ATP6V0D2: variants seen among roughly 807,000 people sequenced by gnomAD.
ATP6V0D2 encodes the protein V-type proton ATPase subunit d 2.
In ATP6V0D2, 40 loss-of-function variants were observed where a neutral mutation model predicts 40.0. The ratio of observed to expected loss-of-function variants is 1.00; its 90% confidence interval spans 0.78 to 1.30. The LOEUF is 1.30. ATP6V0D2 is among the 50% of genes most tolerant of loss of function. ATP6V0D2 has a pLI of 0.00. For synonymous variants in ATP6V0D2, 179 were observed against 156.3 expected, an observed-to-expected ratio of 1.15 and a Z score of -1.08; for missense variants, 470 against 423.1, an observed-to-expected ratio of 1.11 and a Z score of -0.97.
At chr8:86,130,356 T>C (rs1053336775) in intron 2 of ATP6V0D2, among the ~76,000 whole-genome samples, 1 of 152,206 alleles carries the variant, frequency 6.6e-6, no homozygotes, top group Admixed American at 6.5e-5. Context: ...AAATGTGCCA[T>C]ACTATTTTAA....
chr8:86,098,928 T>A lies in ATP6V0D2; in HGVS notation c.-51T>A. On this transcript the variant is annotated 5_prime_UTR_variant, in exon 1 of 8. Transcript: ENST00000285393. ...GGCTAGTGCAAATCTTCAGGGGCCGTCCAGGACTACAGAGCTGTTTCACCC... is the reference window on the plus strand; with the variant it reads ...GGCTAGTGCAAATCTTCAGGGGCCGACCAGGACTACAGAGCTGTTTCACCC... 1 of 1,590,754 alleles carries A rather than the reference T, an allele frequency of 6.3e-7. No homozygotes were observed. Among genetic ancestry groups the A allele is most frequent in the Non-Finnish European group, 8.6e-7 (1 of 1,169,530 alleles).
At chr8:86,136,060 CT>C (rs766931325) in intron 2 of ATP6V0D2, among the ~76,000 whole-genome samples, 1 of 152,144 alleles carries the variant, frequency 6.6e-6, no homozygotes, top group Non-Finnish European at 1.5e-5. Flanking sequence ...ACCCCTGCCC[CT>C]CATTGTGGGC....
chr8:86,151,422 T>A lies in ATP6V0D2; in HGVS notation c.817-44T>A, dbSNP rs781380661. 6 of 1,291,926 alleles carry A rather than the reference T, an allele frequency of 4.6e-6. No homozygotes were observed. The South Asian group carries it at 8.2e-5, about 18-fold the overall frequency. 80.0% of individuals were successfully genotyped at this position (1,291,926 alleles called of 1,614,324 possible). A position where few individuals can be genotyped will look rare whatever the true frequency, so the allele number is the denominator to read the frequency against. ...GGAAAAATATATTTATATACATTTA[T>A]AAGAAATGAAAATGTCTTTAAAATT... On this transcript the variant is annotated intron_variant, in intron 6 of 7. Coordinates refer to ENST00000285393, the MANE Select transcript of ATP6V0D2 (RefSeq NM_152565.1).
chr8:86,113,923 T>G, intron 2 of ATP6V0D2, 43 bp downstream of exon 2: 2 of 1,546,454 alleles, frequency 1.3e-6, no homozygotes, highest in Non-Finnish European at 1.8e-6. Context: ...AATGTACTCG[T>G]GCGGATGACC....
At chr8:86,115,602 G>A (rs1046852670) in intron 2 of ATP6V0D2, among the ~76,000 whole-genome samples, 5 of 151,444 alleles carry the variant, frequency 3.3e-5, no homozygotes, top group Non-Finnish European at 5.9e-5. Flanking sequence ...GCTTCCAACC[G>A]CAGGTAATCC....
At chr8:86,129,973 T>A (rs1230912262) in intron 2 of ATP6V0D2, among the ~76,000 whole-genome samples, 1 of 128,022 alleles carries the variant, frequency 7.8e-6, no homozygotes, top group Non-Finnish European at 1.6e-5. Flanking sequence ...AGAGACCCTG[T>A]CTCGAAAAGA....
intron 2 of ATP6V0D2, among the ~76,000 whole-genome samples, chr8:86,121,302 G>T (rs1055453820): frequency 1.3e-5 from 2 of 152,220 alleles, no homozygotes; most frequent in Admixed American, 6.5e-5. Flanking sequence ...AGACACAGTG[G>T]CTCATGCCTG....
At chr8:86,118,000 T>C (rs1014503835) in intron 2 of ATP6V0D2, among the ~76,000 whole-genome samples, 4 of 118,032 alleles carry the variant, frequency 3.4e-5, no homozygotes, top group Non-Finnish European at 7.4e-5. Flanking sequence ...TCTTTCTCTT[T>C]GTTTTCTTTC....
At chr8:86,121,712 C>G (rs1291164471) in intron 2 of ATP6V0D2, among the ~76,000 whole-genome samples, 1 of 151,128 alleles carries the variant, frequency 6.6e-6, no homozygotes, top group Non-Finnish European at 1.5e-5. Context: ...GTTCTGAAAC[C>G]ATTTCTCTTA....
At chr8:86,145,326 GA>G (rs1308566106) in intron 5 of ATP6V0D2, among the ~76,000 whole-genome samples, 1 of 41,866 alleles carries the variant, frequency 2.4e-5, no homozygotes, top group African/African-American at 1.6e-4. Flanking sequence ...AAGAAGGAAA[GA>G]AGGAAAGAAG....
chr8:86,131,841 AAAAG>A (rs1818829090), intron 2 of ATP6V0D2, among the ~76,000 whole-genome samples: 1 of 152,152 alleles, frequency 6.6e-6, no homozygotes, highest in African/African-American at 2.4e-5. Context: ...TGAAATTTAA[AAAAG>A]AAAGAAATTA....
At chr8:86,122,503 T>A (rs758277622) in intron 2 of ATP6V0D2, among the ~76,000 whole-genome samples, 2 of 152,154 alleles carry the variant, frequency 1.3e-5, no homozygotes, top group Non-Finnish European at 2.9e-5. Context: ...ACTCAGAACT[T>A]GTAGTGTTGA....
At chr8:86,145,308 AGAAAAGAAAGAAG>A (rs1819047196) in intron 5 of ATP6V0D2, among the ~76,000 whole-genome samples, 1 of 94,070 alleles carries the variant, frequency 1.1e-5, no homozygotes, top group African/African-American at 4.5e-5. Context: ...AAAGAAAGAA[AGAAAAGAAAGAAG>A]GAAAGAAGGA....
chr8:86,099,331 C>A (rs1832398926), intron 1 of ATP6V0D2, among the ~76,000 whole-genome samples: 1 of 152,076 alleles, frequency 6.6e-6, no homozygotes, highest in African/African-American at 2.4e-5. Context: ...TCTTTCATTA[C>A]TAATGTAGGC....
At chr8:86,151,351 C>A in intron 6 of ATP6V0D2, 115 bp from the exon 7 acceptor site, 1 of 748,104 alleles carries the variant, frequency 1.3e-6, no homozygotes, top group Non-Finnish European at 2.1e-6. Flanking sequence ...ACATTCAGTC[C>A]TCCTGGTATT....
At chr8:86,137,128 T>C (rs1818909135) in intron 2 of ATP6V0D2, among the ~76,000 whole-genome samples, 1 of 152,160 alleles carries the variant, frequency 6.6e-6, no homozygotes, top group South Asian at 2.1e-4. Flanking sequence ...CATGTCCCAT[T>C]AATTTCAGAC....
intron 2 of ATP6V0D2, among the ~76,000 whole-genome samples, chr8:86,125,210 T>C (rs1818723969): frequency 6.6e-6 from 1 of 152,172 alleles, no homozygotes; most frequent in African/African-American, 2.4e-5. Flanking sequence ...ACAACAGTTT[T>C]GAGTGGGATA....
At position 86,141,503 on chromosome 8, in the gene ATP6V0D2, G is replaced by C. The variant is rs767274792; in HGVS notation, c.535G>C (p.Glu179Gln). The C allele has an allele frequency of 6.2e-7, 1 of 1,607,756 alleles. No homozygotes were observed. Among genetic ancestry groups the C allele is most frequent in the East Asian group, 2.2e-5 (1 of 44,742 alleles). ...SENALDELNI[E>Q]LLRNKLYKSY... ...AAATGCTCTAGATGAACTGAATATT[G>C]AATTGCTACGCAATAAACTATACAA... The change falls in exon 4 of 8, where the codon GAA (glutamate) becomes CAA (glutamine). Residue 179 changes from glutamate to glutamine, a missense_variant. Transcript: ENST00000285393.
At chr8:86,109,020 A>C (rs1459791937) in intron 1 of ATP6V0D2, among the ~76,000 whole-genome samples, 3 of 152,172 alleles carry the variant, frequency 2.0e-5, no homozygotes, top group Non-Finnish European at 2.9e-5. Flanking sequence ...TTTGGAATAT[A>C]TTCTATTTTC....
Sources: gnomAD v4.1 joint callset for allele counts (sites outside exome capture counted in the v4.1 genomes callset) on GRCh38, gnomAD v4.1.1 for gene constraint, MANE v1.5 for transcripts, NCBI Gene and HGNC (gene_info 2026-07-23, HGNC 2026-07-21) for gene names.